The following FBXL7 variants were observed in gnomAD, a reference collection of about 807,000 sequenced individuals.
The protein encoded by FBXL7 is F-box/LRR-repeat protein 7.
In FBXL7, 12 loss-of-function variants were observed where a neutral mutation model predicts 38.3. The ratio of observed to expected loss-of-function variants is 0.31; its 90% CI spans 0.20 to 0.51. The LOEUF is 0.51. Among genes scored for constraint, FBXL7 ranks in the 20% least tolerant of loss-of-function variants. FBXL7 has a pLI of 0.98. For missense variants in FBXL7, 567 were observed against 676.4 expected (o/e 0.84, Z 1.79); for synonymous variants, 297 against 300.9 (o/e 0.99, Z 0.13).
intron 2 of FBXL7, among the ~76,000 whole-genome samples, chr5:15,692,852 G>A (rs1238023949): frequency 2.0e-5 from 3 of 152,178 alleles, no homozygotes; most frequent in African/African-American, 7.2e-5. Context: ...GAAGAATGAG[G>A]AAGGGAGAGA....
chr5:15,537,144 A>G (rs1021650614), intron 1 of FBXL7, among the ~76,000 whole-genome samples: 6 of 152,068 alleles, frequency 3.9e-5, no homozygotes, highest in African/African-American at 1.4e-4. Flanking sequence ...AGTCAATTAA[A>G]TCTCTTTTGT....
chr5:15,697,718 T>TG (rs796970187), intron 2 of FBXL7, among the ~76,000 whole-genome samples: 27 of 152,280 alleles, frequency 1.8e-4, no homozygotes, highest in African/African-American at 5.5e-4. Context: ...TTCTCTCTTT[T>TG]GGATATTTAA....
intron 2 of FBXL7, among the ~76,000 whole-genome samples, chr5:15,641,537 A>T (rs191538924): frequency 1.6e-3 from 237 of 149,432 alleles, no homozygotes; most frequent in African/African-American, 5.7e-3. Flanking sequence ...GATTAATATT[A>T]TGTGTCAACT....
chr5:15,928,234 C>T lies in FBXL7; in HGVS notation c.472C>T (p.Arg158Cys), dbSNP rs1401076306. ...AWDPRLWRTIRLTGETINVDR... is the reference protein window; with the variant it reads ...AWDPRLWRTICLTGETINVDR... ...GGACCCGCGGCTCTGGAGGACTATC[C>T]GCCTGACGGGCGAGACCATCAACGT... Residue 158 changes from arginine (R) to cysteine (C), a missense_variant, in exon 3 of 4, where the codon CGC becomes TGC. Coordinates refer to ENST00000504595, the MANE Select transcript of FBXL7 (RefSeq NM_012304.5). This position sits in a 1 kb window ranked among gnomAD's most constrained non-coding sequence, Gnocchi z 4.0. The T allele has an allele frequency of 6.2e-7, 1 of 1,611,002 alleles. No individual in the cohort carries two copies. Among genetic ancestry groups the T allele is most frequent in the East Asian group, 2.2e-5 (1 of 44,742 alleles).
At chr5:15,844,343 C>T (rs376390738) in intron 2 of FBXL7, among the ~76,000 whole-genome samples, 2 of 152,304 alleles carry the variant, frequency 1.3e-5, no homozygotes, top group East Asian at 1.9e-4. Context: ...AGATGCCCCC[C>T]GTGAAAACCC....
At chr5:15,916,225 G>T (rs1741579712) in intron 2 of FBXL7, among the ~76,000 whole-genome samples, 1 of 152,078 alleles carries the variant, frequency 6.6e-6, no homozygotes, top group South Asian at 2.1e-4. Flanking sequence ...CTTGAAATGT[G>T]GCTAGTGCAC....
intron 1 of FBXL7, among the ~76,000 whole-genome samples, chr5:15,525,815 G>A (rs1416853803): frequency 1.3e-5 from 2 of 152,118 alleles, no homozygotes; most frequent in African/African-American, 4.8e-5. Context: ...CCAGCCTATG[G>A]CATCTCTCTG....
chr5:15,792,856 T>C (rs1197298755), intron 2 of FBXL7, among the ~76,000 whole-genome samples: 1 of 152,170 alleles, frequency 6.6e-6, no homozygotes, highest in Non-Finnish European at 1.5e-5. Flanking sequence ...ACCTTGATGC[T>C]CACACCAGTG....
chr5:15,693,243 T>C (rs1743233607), intron 2 of FBXL7, among the ~76,000 whole-genome samples: 1 of 152,124 alleles, frequency 6.6e-6, no homozygotes, highest in African/African-American at 2.4e-5. Flanking sequence ...TTGCAGAGCC[T>C]GGACCACTGG....
intron 2 of FBXL7, among the ~76,000 whole-genome samples, chr5:15,825,735 A>C (rs1738293000): frequency 6.6e-6 from 1 of 152,316 alleles, no homozygotes; most frequent in African/African-American, 2.4e-5. Context: ...CCCTGTTCTC[A>C]TATGGTTTTT....
chr5:15,634,849 AGCAT>A (rs887404088), intron 2 of FBXL7, among the ~76,000 whole-genome samples: 1 of 152,100 alleles, frequency 6.6e-6, no homozygotes, highest in Non-Finnish European at 1.5e-5. Flanking sequence ...TAAAGCCAGT[AGCAT>A]AGCCTCTGCA....
intron 1 of FBXL7, among the ~76,000 whole-genome samples, chr5:15,512,365 C>T (rs1211125210): frequency 2.6e-5 from 4 of 152,130 alleles, no homozygotes; most frequent in African/African-American, 7.2e-5. Context: ...ATTCATTGCT[C>T]ATCCTTCCGT....
At chr5:15,583,485 A>G (rs1739208128) in intron 1 of FBXL7, among the ~76,000 whole-genome samples, 2 of 152,214 alleles carry the variant, frequency 1.3e-5, no homozygotes, top group Admixed American at 6.5e-5. Context: ...CCAAGATACA[A>G]TGGGGGTGCA....
At chr5:15,546,518 G>A (rs1158404710) in intron 1 of FBXL7, among the ~76,000 whole-genome samples, 1 of 152,176 alleles carries the variant, frequency 6.6e-6, no homozygotes, top group Non-Finnish European at 1.5e-5. Context: ...AGTGAGCTGA[G>A]ATGGCGCCAT....
At chr5:15,877,529 T>G (rs2126313851) in intron 2 of FBXL7, among the ~76,000 whole-genome samples, 1 of 152,320 alleles carries the variant, frequency 6.6e-6, no homozygotes, top group East Asian at 1.9e-4. Flanking sequence ...TCTAATTTTT[T>G]GCTGTGTAGA....
At chr5:15,677,008 T>C (rs957077773) in intron 2 of FBXL7, among the ~76,000 whole-genome samples, 3 of 152,226 alleles carry the variant, frequency 2.0e-5, no homozygotes, top group African/African-American at 7.2e-5. Context: ...ATGCAGACAT[T>C]AAGTGCTTGT....
chr5:15,673,023 G>A (rs555347837), intron 2 of FBXL7, among the ~76,000 whole-genome samples: 2 of 152,118 alleles, frequency 1.3e-5, no homozygotes, highest in African/African-American at 2.4e-5. Context: ...GAGTTTCCTT[G>A]GATCCTTAAA....
At chr5:15,732,600 A>T (rs1005271183) in intron 2 of FBXL7, among the ~76,000 whole-genome samples, 2 of 152,214 alleles carry the variant, frequency 1.3e-5, no homozygotes, top group East Asian at 3.8e-4. Context: ...AGGAAACTCT[A>T]TTTTAAAGGT....
chr5:15,846,625 T>C (rs1340253212), intron 2 of FBXL7, among the ~76,000 whole-genome samples: 6 of 152,210 alleles, frequency 3.9e-5, no homozygotes, highest in Non-Finnish European at 8.8e-5. Context: ...AAGTCCCTAG[T>C]TATACAGGTT....
Sources: allele counts gnomAD v4.1 joint callset (sites outside exome capture counted in the v4.1 genomes callset), GRCh38; gene constraint gnomAD v4.1.1; non-coding constraint Gnocchi (gnomAD v3.1); transcripts MANE v1.5; gene names NCBI Gene and HGNC (gene_info 2026-07-23, HGNC 2026-07-21).